The following PC variants were observed in gnomAD, a reference collection of about 807,000 sequenced individuals.
PC encodes the protein pyruvate carboxylase.
A neutral mutation model predicts 107.8 loss-of-function variants in PC; 46 were observed. The ratio of observed to expected loss-of-function variants is 0.43; its 90% CI spans 0.34 to 0.55. The LOEUF (loss-of-function observed/expected upper bound fraction) is 0.55. Ranked by LOEUF, PC falls within the 20% of genes least tolerant of loss-of-function variation. The probability of loss-of-function intolerance (pLI) is 0.04; values close to 1 mark genes in which losing one functional copy is unlikely to be tolerated. For synonymous variants in PC, 662 were observed against 684.7 expected, an observed-to-expected ratio of 0.97 and a Z score of 0.52; for missense variants, 1,241 against 1,643.1, an observed-to-expected ratio of 0.76 and a Z score of 4.23.
At chr11:66,876,391 C>T (rs140861784) in intron 3 of PC, among the ~76,000 whole-genome samples, 10 of 152,276 alleles carry the variant, frequency 6.6e-5, no homozygotes, top group East Asian at 3.9e-4. Flanking sequence ...GTCAGGGGTA[C>T]GAGAATTCTT....
At position 66,852,270 on chromosome 11, in the gene PC, G is replaced by A. The variant is rs1945546091; in HGVS notation, c.1825+169C>T. On this transcript the variant is annotated intron_variant, in intron 15 of 22. Coordinates refer to ENST00000393960, the MANE Select transcript of PC (RefSeq NM_001040716.2). This position sits in a 1 kb window ranked among gnomAD's most constrained non-coding sequence, Gnocchi z 4.7. Reference sequence around the variant, plus strand: ...CACCTGGTCTCAGCTCTGCAACCTCGTGCCGGCACCAGGCCTGGCCGGAGA... The same window carrying A: ...CACCTGGTCTCAGCTCTGCAACCTCATGCCGGCACCAGGCCTGGCCGGAGA... Among the ~76,000 whole-genome samples, 1 of 152,182 alleles carries A rather than the reference G, an allele frequency of 6.6e-6. No individual in the cohort carries two copies. The highest frequency in any genetic ancestry group is 2.1e-4 in the South Asian group (1 of 4,836).
At chr11:66,851,727 G>T in intron 16 of PC, 63 bp downstream of exon 16, 1 of 1,558,138 alleles carries the variant, frequency 6.4e-7, no homozygotes, top group South Asian at 1.1e-5. Flanking sequence ...AGGCCATCAC[G>T]ACATGGCTCG....
intron 3 of PC, among the ~76,000 whole-genome samples, chr11:66,906,689 G>A (rs1948175270): frequency 6.6e-6 from 1 of 151,770 alleles, no homozygotes; most frequent in Non-Finnish European, 1.5e-5. Flanking sequence ...CCCTCTCCTT[G>A]GATTGTTATC....
At chr11:66,937,780 G>GTTT (rs113916680) in intron 3 of PC, among the ~76,000 whole-genome samples, 1,706 of 137,220 alleles carry the variant, frequency 0.012, 41 homozygotes, top group African/African-American at 0.043. Context: ...GGTTTTTTTT[G>GTTT]TTTTTTTTTT....
In PC at chr11:66,852,447, T is replaced by G. The variant is rs372105187; in HGVS notation, c.1817A>C (p.Asn606Thr). The change falls in exon 15 of 23, where the codon AAC becomes ACC. Residue 606 changes from asparagine (N) to threonine (T), a missense_variant. Asn to Thr is a moderately conservative substitution (Grantham distance 65). This residue lies in a region of PC where 1,143 missense variants were observed against 1,551.9 expected (regional missense o/e 0.74). Coordinates refer to ENST00000393960, the MANE Select transcript of PC (RefSeq NM_001040716.2). This position sits in a 1 kb window ranked among gnomAD's most constrained non-coding sequence, Gnocchi z 4.7. ...HNFSKLFSME[N>T]WGGATFDVAM... is the part of the protein sequence containing the mutation. Reference sequence around the variant, plus strand: ...GCAGCATGCCAGCCTACCTCCCCAGTTCTCCATGCTGAAGAGCTTGCTGAA... The same window carrying G: ...GCAGCATGCCAGCCTACCTCCCCAGGTCTCCATGCTGAAGAGCTTGCTGAA... 1.4e-5 allele frequency: 22 copies of G among 1,613,368 alleles called. No homozygotes were observed. Among genetic ancestry groups the G allele is most frequent in the Non-Finnish European group, 1.8e-5 (21 of 1,179,576 alleles).
At chr11:66,893,132 C>A (rs1384576803) in intron 3 of PC, among the ~76,000 whole-genome samples, 1 of 152,182 alleles carries the variant, frequency 6.6e-6, no homozygotes, top group Non-Finnish European at 1.5e-5. Context: ...TCAGTGAGGA[C>A]CCCCACTGTG....
intron 3 of PC, among the ~76,000 whole-genome samples, chr11:66,944,440 A>G (rs539839780): frequency 1.8e-5 from 2 of 112,974 alleles, no homozygotes; most frequent in South Asian, 2.5e-4. Context: ...TTAGTTGGGC[A>G]TGGTGGCACA....
At chr11:66,948,363 G>A (rs1163838467) in intron 3 of PC, among the ~76,000 whole-genome samples, 1 of 152,144 alleles carries the variant, frequency 6.6e-6, no homozygotes, top group Non-Finnish European at 1.5e-5. Context: ...CTAACCTATA[G>A]TAACAGAAAG....
At chr11:66,875,390 G>A (rs888497581) in intron 3 of PC, among the ~76,000 whole-genome samples, 1 of 152,172 alleles carries the variant, frequency 6.6e-6, no homozygotes, top group African/African-American at 2.4e-5. Context: ...AGACAGAAAA[G>A]GCAGGGCTGG....
intron 12 of PC, chr11:66,860,591 C>A (rs1382883491): frequency 5.7e-6 from 4 of 701,096 alleles, no homozygotes; most frequent in Non-Finnish European, 1.0e-5. Flanking sequence ...GCAGTCACAG[C>A]AGCCTGGGGC....
intron 3 of PC, among the ~76,000 whole-genome samples, chr11:66,894,654 A>T (rs1320335642): frequency 6.6e-6 from 1 of 152,202 alleles, no homozygotes; most frequent in African/African-American, 2.4e-5. Flanking sequence ...AGGGAACTGC[A>T]GCTCCAGGCC....
intron 3 of PC, among the ~76,000 whole-genome samples, chr11:66,948,403 G>T (rs750830734): frequency 6.6e-6 from 1 of 152,080 alleles, no homozygotes; most frequent in Non-Finnish European, 1.5e-5. Flanking sequence ...AGAGTGAGGA[G>T]GCAGAGGGAG....
At chr11:66,923,772 G>A (rs367570356) in intron 3 of PC, among the ~76,000 whole-genome samples, 1 of 151,260 alleles carries the variant, frequency 6.6e-6, no homozygotes, top group Non-Finnish European at 1.5e-5. Flanking sequence ...TGCCCACCTT[G>A]GCCTCCCAAA....
intron 12 of PC, chr11:66,860,236 G>A (rs1246735342): frequency 7.8e-6 from 12 of 1,538,828 alleles, no homozygotes; most frequent in Middle Eastern, 3.3e-4. Context: ...GATGAGCCTC[G>A]TGGGGCAGAG....
At chr11:66,930,272 C>A (rs1388496889) in intron 3 of PC, among the ~76,000 whole-genome samples, 6 of 152,148 alleles carry the variant, frequency 3.9e-5, no homozygotes, top group Non-Finnish European at 8.8e-5. Flanking sequence ...AGTTGTACTA[C>A]CTGGGCGATC....
chr11:66,892,908 T>C (rs1197528664), intron 3 of PC, among the ~76,000 whole-genome samples: 1 of 151,154 alleles, frequency 6.6e-6, no homozygotes, highest in Non-Finnish European at 1.5e-5. Flanking sequence ...TTGGTATTCA[T>C]GTTGGATCTG....
At chr11:66,869,006 G>A in intron 9 of PC, 42 bp from the exon 10 acceptor site, 1 of 1,474,934 alleles carries the variant, frequency 6.8e-7, no homozygotes, top group Non-Finnish European at 9.5e-7. Flanking sequence ...CACAGGCAGG[G>A]CCTGGGCAAA....
rs527563165 is a variant in PC, at chr11:66,854,685, G to A, written c.1369-1302C>T. Among the ~76,000 whole-genome samples, 4 of 152,082 alleles carry A rather than the reference G, an allele frequency of 2.6e-5. No individual in the cohort carries two copies. The East Asian group carries it at 5.8e-4, about 22-fold the overall frequency. ...GCGTCACTTATTCATGATCCCTGTC[G>A]GCACCTTCAACAGGGACTCAAGGCC... On this transcript the variant is annotated intron_variant, in intron 12 of 22. Coordinates refer to ENST00000393960, the MANE Select transcript of PC (RefSeq NM_001040716.2).
intron 3 of PC, among the ~76,000 whole-genome samples, chr11:66,928,188 C>T (rs988237802): frequency 3.3e-5 from 5 of 152,034 alleles, no homozygotes; most frequent in Non-Finnish European, 7.4e-5. Context: ...AGATCGAGAC[C>T]ATCCTGGCTA....
Sources: gnomAD v4.1 joint callset for allele counts (sites outside exome capture counted in the v4.1 genomes callset) on GRCh38, gnomAD v4.1.1 for gene constraint, gnomAD v4.1.1 regional missense constraint, Gnocchi (gnomAD v3.1) non-coding constraint, MANE v1.5 for transcripts, NCBI Gene and HGNC (gene_info 2026-07-23, HGNC 2026-07-21) for gene names.